The following UTRN variants were observed in gnomAD, a reference collection of about 807,000 sequenced individuals.
UTRN encodes dystrophin-related protein 1.
Under a neutral mutation model 463.9 loss-of-function variants are expected in UTRN, and 283 were observed. The ratio of observed to expected loss-of-function variants is 0.61; its 90% CI spans 0.55 to 0.67. UTRN has a LOEUF of 0.67. UTRN is among the 30% of genes least tolerant of loss of function. UTRN has a pLI of 0.00. For missense variants in UTRN, 3,922 were observed against 4,084.3 expected, an observed-to-expected ratio of 0.96 and a Z score of 1.08; for synonymous variants, 1,442 against 1,431.5, an observed-to-expected ratio of 1.01 and a Z score of -0.17.
chr6:144,841,156 A>T (rs1254089276), intron 73 of UTRN, among the ~76,000 whole-genome samples: 3 of 152,200 alleles, frequency 2.0e-5, no homozygotes, highest in Non-Finnish European at 4.4e-5. Flanking sequence ...ATCATAAGGA[A>T]CACATCTTAG....
intron 2 of UTRN, among the ~76,000 whole-genome samples, chr6:144,385,884 T>C (rs1781373690): frequency 6.6e-6 from 1 of 152,042 alleles, no homozygotes; most frequent in Non-Finnish European, 1.5e-5. Context: ...AATTTTTGTA[T>C]TTTTAGTAGA....
chr6:144,828,947 T>A, intron 69 of UTRN, 92 bp downstream of exon 69: 1 of 1,413,378 alleles, frequency 7.1e-7, no homozygotes, highest in Non-Finnish European at 9.9e-7. Flanking sequence ...GCTCTGAATC[T>A]TGATCCCAAT....
At chr6:144,512,520 C>A (rs903369431) in intron 35 of UTRN, among the ~76,000 whole-genome samples, 1 of 151,202 alleles carries the variant, frequency 6.6e-6, no homozygotes, top group African/African-American at 2.4e-5. Flanking sequence ...GGTACAAGGG[C>A]AAGTTTGTTT....
chr6:144,829,845 CAATTTCA>C (rs2128757395), intron 69 of UTRN, among the ~76,000 whole-genome samples: 1 of 151,992 alleles, frequency 6.6e-6, no homozygotes, highest in East Asian at 1.9e-4. Context: ...GGAGGTTTTT[CAATTTCA>C]AATTTCAAAG....
intron 51 of UTRN, among the ~76,000 whole-genome samples, chr6:144,631,643 C>T (rs964512315): frequency 2.6e-5 from 4 of 152,116 alleles, no homozygotes; most frequent in Non-Finnish European, 5.9e-5. Flanking sequence ...GTCATCATTT[C>T]AAAAGAGCGT....
chr6:144,799,221 C>T (rs1315487751), intron 64 of UTRN, among the ~76,000 whole-genome samples: 1 of 152,184 alleles, frequency 6.6e-6, no homozygotes, highest in East Asian at 1.9e-4. Flanking sequence ...TTGTACGAAG[C>T]ATATCATTGC....
intron 2 of UTRN, among the ~76,000 whole-genome samples, chr6:144,349,762 G>A (rs1042806390): frequency 6.6e-6 from 1 of 152,100 alleles, no homozygotes; most frequent in Admixed American, 6.5e-5. Context: ...TTTCACTTGC[G>A]TTCTCTGACC....
At chr6:144,363,360 C>T (rs961056195) in intron 2 of UTRN, among the ~76,000 whole-genome samples, 7 of 152,180 alleles carry the variant, frequency 4.6e-5, no homozygotes, top group African/African-American at 7.2e-5. Flanking sequence ...TTGAAATTGA[C>T]GCACAGAGAG....
chr6:144,434,312 C>A (rs7745167), intron 9 of UTRN, among the ~76,000 whole-genome samples: 17,519 of 128,302 alleles, frequency 0.14, 2,524 homozygotes, highest in African/African-American at 0.38. Flanking sequence ...AGCTTCGGCT[C>A]GGCATCAGAG....
chr6:144,462,701 T>C lies in UTRN; in HGVS notation c.2901T>C (p.Leu967=). The part of the protein sequence containing the change: ...LENQKPALHK[L]AEETKALEKN... ...ATCAGAAACCTGCATTACATAAACTTGCAGAAGAAACAAAGGCTCTGGAGA... is the reference window on the plus strand; with the variant it reads ...ATCAGAAACCTGCATTACATAAACTCGCAGAAGAAACAAAGGCTCTGGAGA... The change falls in exon 23 of 75, where the codon CTT becomes CTC. Residue 967 remains leucine, a synonymous_variant. Transcript: ENST00000367545. 6.2e-7 allele frequency: 1 copy of C among 1,607,936 alleles called. No individual in the cohort carries two copies.
intron 54 of UTRN, among the ~76,000 whole-genome samples, chr6:144,737,832 T>C (rs1473607824): frequency 9.4e-6 from 1 of 106,508 alleles, no homozygotes; most frequent in East Asian, 7.9e-4. Flanking sequence ...TTGAACTGTT[T>C]TTTTTTTTTA....
intron 60 of UTRN, among the ~76,000 whole-genome samples, chr6:144,776,317 AC>A (rs1775316685): frequency 6.6e-6 from 1 of 152,032 alleles, no homozygotes; most frequent in Admixed American, 6.6e-5. Context: ...AGGTTCTCTC[AC>A]CTTAGTGACA....
chr6:144,718,267 C>T (rs964842832), intron 53 of UTRN, among the ~76,000 whole-genome samples: 20 of 152,008 alleles, frequency 1.3e-4, no homozygotes, highest in African/African-American at 4.4e-4. Flanking sequence ...GCCAGGAGTT[C>T]AAGACTGGCC....
chr6:144,793,732 A>AT, intron 62 of UTRN, 102 bp from the exon 63 acceptor site: 2 of 1,430,910 alleles, frequency 1.4e-6, no homozygotes, highest in Non-Finnish European at 9.3e-7. Flanking sequence ...TCCTTCTGAA[A>AT]TTTTTTTAAT....
chr6:144,746,738 A>G (rs1197905930), intron 54 of UTRN, among the ~76,000 whole-genome samples: 2 of 152,110 alleles, frequency 1.3e-5, no homozygotes, highest in Non-Finnish European at 2.9e-5. Flanking sequence ...CAGCCTCCCA[A>G]AGTGCTGGGA....
At position 144,513,442 on chromosome 6, in the gene UTRN, C is replaced by T. The variant is rs532575517; in HGVS notation, c.4945-467C>T. Among the ~76,000 whole-genome samples the T allele has an allele frequency of 3.9e-4, 60 of 152,038 alleles. No homozygotes were observed. In the South Asian group the frequency reaches 6.4e-3, roughly 16 times the overall value. On this transcript the variant is annotated intron_variant, in intron 35 of 74. Transcript: ENST00000367545. ...GTGCAAGCCTGCAGTCCCAGCTACT[C>T]GGGAGACTGAGGCAGGAGAATCACT...
At chr6:144,823,256 A>G (rs1779755168) in intron 66 of UTRN, among the ~76,000 whole-genome samples, 1 of 152,110 alleles carries the variant, frequency 6.6e-6, no homozygotes, top group Admixed American at 6.6e-5. Flanking sequence ...AGATTTATGA[A>G]CTACTAGATA....
In UTRN at chr6:144,811,010, A is replaced by G. The variant is rs554148869; in HGVS notation, c.9357+7863A>G. On this transcript the variant is annotated intron_variant, in intron 65 of 74. Coordinates refer to ENST00000367545, the MANE Select transcript of UTRN (RefSeq NM_007124.3). ...TTAATATGTAGGGAAATAAACCAAA[A>G]TTACATGTTTTCCATGAGAAGAATC... Among the ~76,000 whole-genome samples the G allele has an allele frequency of 1.5e-3, 226 of 152,276 alleles. 1 individual carries two copies. Among genetic ancestry groups the G allele is most frequent in the African/African-American group, 5.2e-3 (216 of 41,556 alleles).
At position 144,699,951 on chromosome 6, in the gene UTRN, A is replaced by C. The variant is rs1029135881; in HGVS notation, c.7653-136A>C. The C allele has an allele frequency of 1.3e-5, 7 of 532,024 alleles. No individual in the cohort carries two copies. The African/African-American group carries it at 1.4e-4, about 10-fold the overall frequency. 33.0% of individuals were successfully genotyped at this position (532,024 alleles called of 1,614,324 possible). A position where few individuals can be genotyped will look rare whatever the true frequency, so the allele number is the denominator to read the frequency against. ...AAATACATATATATATGTATTTACA[A>C]GGAGTCAGTCTCTTTTGTGGAAGTA... On this transcript the variant is annotated intron_variant, in intron 52 of 74. Coordinates refer to ENST00000367545, the MANE Select transcript of UTRN (RefSeq NM_007124.3).
Sources: allele counts gnomAD v4.1 joint callset (sites outside exome capture counted in the v4.1 genomes callset), GRCh38; gene constraint gnomAD v4.1.1; transcripts MANE v1.5; gene names NCBI Gene and HGNC (gene_info 2026-07-23, HGNC 2026-07-21).